Variants in ZNF644 observed in about 807,000 individuals in gnomAD.
ZNF644 encodes the protein zinc finger protein 644, also known as zinc finger motif enhancer binding protein 2.
Under a neutral mutation model 108.0 loss-of-function variants are expected in ZNF644, and 20 were observed. The ratio of observed to expected loss-of-function variants is 0.19; its 90% CI spans 0.13 to 0.27. The LOEUF is 0.27. Ranked by LOEUF, ZNF644 falls within the 10% of genes least tolerant of loss-of-function variation. The probability of loss-of-function intolerance (pLI) is 1.00; values close to 1 mark genes in which losing one functional copy is unlikely to be tolerated. For missense variants in ZNF644, 1,338 were observed against 1,548.9 expected (o/e 0.86, Z 2.29); for synonymous variants, 542 against 539.1 (o/e 1.01, Z -0.08).
rs139266238 is a variant in ZNF644 at position 90,986,967 on chromosome 1, G to A, written c.-17-4597C>T. Among the ~76,000 whole-genome samples the A allele has an allele frequency of 1.3e-4, 19 of 150,904 alleles. No individual in the cohort carries two copies. The East Asian group carries it at 1.4e-3, about 11-fold the overall frequency. ...TTACAAAGAAATTTTTTAAATATCC[G>A]GAGACAAAAACAAAAACACAACAAA... On this transcript the variant is annotated intron_variant, in intron 1 of 5. Transcript: ENST00000337393.
chr1:90,984,624 C>T (rs926603957), intron 1 of ZNF644, among the ~76,000 whole-genome samples: 4 of 152,134 alleles, frequency 2.6e-5, no homozygotes, highest in Admixed American at 6.5e-5. Context: ...AACTCCTGAC[C>T]TCAAGTGATC....
chr1:90,982,630 A>ATTT (rs1557628279), intron 1 of ZNF644, among the ~76,000 whole-genome samples: 1 of 151,980 alleles, frequency 6.6e-6, no homozygotes, highest in African/African-American at 2.4e-5. Context: ...CTTTTTTTTA[A>ATTT]AAAAAATTCT....
At chr1:90,931,918 T>C (rs1256405242) in intron 4 of ZNF644, among the ~76,000 whole-genome samples, 1 of 152,168 alleles carries the variant, frequency 6.6e-6, no homozygotes, top group African/African-American at 2.4e-5. Context: ...TCAGACAAAT[T>C]GATGATAGCC....
chr1:90,934,926 A>G (rs1023488424), intron 4 of ZNF644, among the ~76,000 whole-genome samples: 4 of 152,042 alleles, frequency 2.6e-5, no homozygotes, highest in African/African-American at 9.7e-5. Context: ...TTTTTATGCT[A>G]TGTTGCCCAG....
At chr1:90,949,306 AAG>A (rs570071677) in intron 2 of ZNF644, among the ~76,000 whole-genome samples, 1 of 152,196 alleles carries the variant, frequency 6.6e-6, no homozygotes, top group Admixed American at 6.5e-5. Context: ...TGCTACTTCA[AAG>A]AAATGTTTTG....
At chr1:90,963,365 G>C (rs550070438) in intron 2 of ZNF644, among the ~76,000 whole-genome samples, 1 of 152,186 alleles carries the variant, frequency 6.6e-6, no homozygotes, top group South Asian at 2.1e-4. Context: ...CAGAGCAACA[G>C]GAATCCTCAT....
intron 5 of ZNF644, 90 bp from the exon 6 acceptor site, chr1:90,917,080 T>C (rs1479478427): frequency 5.2e-6 from 7 of 1,333,402 alleles, no homozygotes; most frequent in Non-Finnish European, 7.4e-6. Context: ...GGAATAAACT[T>C]TATCATATTT....
At chr1:90,993,102 T>C (rs1007807693) in intron 1 of ZNF644, among the ~76,000 whole-genome samples, 4 of 151,990 alleles carry the variant, frequency 2.6e-5, no homozygotes, top group Admixed American at 2.0e-4. Context: ...AAATCTGGGA[T>C]TGACCTTATA....
At chr1:90,941,945 C>T (rs149699016) in intron 2 of ZNF644, among the ~76,000 whole-genome samples, 56 of 152,276 alleles carry the variant, frequency 3.7e-4, no homozygotes, top group African/African-American at 1.3e-3. Flanking sequence ...GTTCTCCCAA[C>T]ATTCTATCAA....
chr1:91,003,345 G>A (rs1431042702), intron 1 of ZNF644, among the ~76,000 whole-genome samples: 4 of 152,160 alleles, frequency 2.6e-5, no homozygotes, highest in Admixed American at 6.5e-5. Context: ...GGAATACTAT[G>A]CAGCCATAAA....
rs900777420 is a variant in ZNF644, at chr1:90,976,814, A to C, written c.44+5496T>G. Among the ~76,000 whole-genome samples, 3 of 152,200 alleles carry C rather than the reference A, an allele frequency of 2.0e-5. No individual in the cohort carries two copies. The South Asian group carries it at 6.2e-4, about 31-fold the overall frequency. On this transcript the variant is annotated intron_variant, in intron 2 of 5. Coordinates refer to ENST00000337393, the MANE Select transcript of ZNF644 (RefSeq NM_201269.3). ...GGGATTGGTTCCAGGACAACCCCCT[A>C]GATACCAAAATCCACAGATGCTCAA...
chr1:90,998,668 C>G (rs950929178), intron 1 of ZNF644, among the ~76,000 whole-genome samples: 6 of 152,364 alleles, frequency 3.9e-5, no homozygotes, highest in African/African-American at 4.8e-5. Context: ...GAACGCAGCT[C>G]CTCGCCAGCA....
At chr1:90,977,277 TG>T (rs1656108439) in intron 2 of ZNF644, among the ~76,000 whole-genome samples, 1 of 152,128 alleles carries the variant, frequency 6.6e-6, no homozygotes, top group South Asian at 2.1e-4. Flanking sequence ...GATGTTAGTT[TG>T]TAGCAAACTA....
At position 90,941,170 on chromosome 1, in the gene ZNF644, A is replaced by C. The variant is rs753352831; in HGVS notation, c.184T>G (p.Cys62Gly). 6 of 1,613,170 alleles carry C rather than the reference A, an allele frequency of 3.7e-6. No individual in the cohort carries two copies. The highest frequency in any genetic ancestry group is 5.1e-6 in the Non-Finnish European group (6 of 1,179,666). Residue 62 changes from cysteine to glycine, a missense_variant, in exon 3 of 6, where the codon TGT becomes GGT. By Grantham distance (159) the Cys-to-Gly change is radical. Around this residue, in one of 6 missense-constraint regions of ZNF644, gnomAD observed 464 missense variants for 457.9 expected, o/e 1.01. Transcript: ENST00000337393. ...KESGVHKPKD[C>G]QTSFQKNNTL... is the part of the protein sequence containing the mutation. ...TTATTTTTCTGAAATGATGTTTGAC[A>C]ATCTTTTGGCTTATGAACTCCGCTC...
rs377579524 is a variant in ZNF644 at position 90,997,927 on chromosome 1, G to A, written c.-17-15557C>T. On this transcript the variant is annotated intron_variant, in intron 1 of 5. Transcript: ENST00000337393. ...CCTCGCGTGGCTTGGAGGGTCCCAC[G>A]CCCATGGAGCCTCGCTCATTGCTAG... Among the ~76,000 whole-genome samples the A allele has an allele frequency of 9.8e-4, 149 of 152,286 alleles. 1 individual carries two copies. In the South Asian group the frequency reaches 0.014, roughly 14 times the overall value.
Position 90,941,178 on chromosome 1 carries a change from G to A in ZNF644, c.176C>T (p.Pro59Leu). ...CTGAAATGATGTTTGACAATCTTTTGGCTTATGAACTCCGCTCTCTTTGTC... is the reference window on the plus strand; with the variant it reads ...CTGAAATGATGTTTGACAATCTTTTAGCTTATGAACTCCGCTCTCTTTGTC... ...ISDKESGVHK[P>L]KDCQTSFQKN... The change falls in exon 3 of 6, where the codon CCA (proline) becomes CTA (leucine). Residue 59 changes from proline to leucine, a missense_variant. Physicochemically the swap from Pro to Leu is moderately conservative, Grantham distance 98. Around this residue, in one of 6 missense-constraint regions of ZNF644, gnomAD observed 464 missense variants for 457.9 expected, o/e 1.01. Coordinates refer to ENST00000337393, the MANE Select transcript of ZNF644 (RefSeq NM_201269.3). 6.2e-7 allele frequency: 1 copy of A among 1,612,710 alleles called. No individual in the cohort carries two copies. The highest frequency in any genetic ancestry group is 8.5e-7 in the Non-Finnish European group (1 of 1,179,490).
At chr1:90,930,946 A>AT (rs1398672849) in intron 4 of ZNF644, among the ~76,000 whole-genome samples, 2 of 151,916 alleles carry the variant, frequency 1.3e-5, no homozygotes, top group Non-Finnish European at 2.9e-5. Flanking sequence ...CTCAAAATAT[A>AT]TTTTTTTTCC....
intron 4 of ZNF644, among the ~76,000 whole-genome samples, chr1:90,937,104 A>G (rs1010607071): frequency 6.6e-6 from 1 of 152,170 alleles, no homozygotes; most frequent in Non-Finnish European, 1.5e-5. Flanking sequence ...AATATGACAG[A>G]GGTATGCCTT....
intron 4 of ZNF644, among the ~76,000 whole-genome samples, chr1:90,930,212 G>A (rs1650573837): frequency 6.6e-6 from 1 of 152,166 alleles, no homozygotes. Flanking sequence ...CTTGAACCTG[G>A]GAGGCAGAGG....
Sources: gnomAD v4.1 joint callset for allele counts (sites outside exome capture counted in the v4.1 genomes callset) on GRCh38, gnomAD v4.1.1 for gene constraint, gnomAD v4.1.1 regional missense constraint, MANE v1.5 for transcripts, NCBI Gene and HGNC (gene_info 2026-07-23, HGNC 2026-07-21) for gene names.